RABGAP1: variants seen among roughly 807,000 people sequenced by gnomAD.
RABGAP1 encodes rab GTPase-activating protein 1.
Under a neutral mutation model 137.6 loss-of-function variants are expected in RABGAP1, and 23 were observed. The observed-to-expected ratio is 0.17, with a 90% confidence interval of 0.12 to 0.24. RABGAP1 has a LOEUF of 0.24. Ranked by LOEUF, RABGAP1 falls within the 10% of genes least tolerant of loss-of-function variation. The probability of loss-of-function intolerance (pLI) is 1.00; values close to 1 mark genes in which losing one functional copy is unlikely to be tolerated. For synonymous variants in RABGAP1, 451 were observed against 450.7 expected, an observed-to-expected ratio of 1.00 and a Z score of -0.01; for missense variants, 906 against 1,275.8, an observed-to-expected ratio of 0.71 and a Z score of 4.42.
At chr9:122,970,427 A>G (rs1005377000) in intron 2 of RABGAP1, among the ~76,000 whole-genome samples, 12 of 152,212 alleles carry the variant, frequency 7.9e-5, no homozygotes, top group Non-Finnish European at 1.6e-4. Context: ...CCTGGGCAAC[A>G]TAGTGATACC....
chr9:122,966,250 T>A (rs1449891724), intron 2 of RABGAP1, among the ~76,000 whole-genome samples: 1 of 152,060 alleles, frequency 6.6e-6, no homozygotes. Flanking sequence ...TATGGCTGGG[T>A]GCAGTGGCTC....
intron 2 of RABGAP1, among the ~76,000 whole-genome samples, chr9:122,957,884 C>CTT: frequency 7.5e-6 from 1 of 133,186 alleles, no homozygotes; most frequent in South Asian, 2.5e-4. Context: ...AGCTTTAATT[C>CTT]TTTTTTTTTT....
intron 11 of RABGAP1, among the ~76,000 whole-genome samples, chr9:123,011,102 A>C (rs986522320): frequency 6.6e-6 from 1 of 152,134 alleles, no homozygotes; most frequent in Non-Finnish European, 1.5e-5. Context: ...GAAGGGAGCC[A>C]CAGGAAACAT....
In RABGAP1 at chr9:122,997,152, A is replaced by G. The variant is rs542116213; in HGVS notation, c.1102-107A>G. The G allele has an allele frequency of 2.3e-5, 17 of 744,558 alleles. No homozygotes were observed. The East Asian group carries it at 4.2e-4, about 19-fold the overall frequency. 46.1% of individuals were successfully genotyped at this position (744,558 alleles called of 1,614,324 possible). ...CATTCACATACACTTATCCTCTTCC[A>G]TATTCTTATATTTTTGCAGCTTCTG... On this transcript the variant is annotated intron_variant, in intron 8 of 25. Transcript: ENST00000373647.
At chr9:123,089,716 C>A in intron 19 of RABGAP1, 42 bp from the exon 20 acceptor site, 2 of 1,544,134 alleles carry the variant, frequency 1.3e-6, no homozygotes, top group Non-Finnish European at 1.8e-6. Flanking sequence ...GCACCCACTA[C>A]TTTCTAATAC....
At chr9:122,976,616 A>G (rs190634920) in intron 2 of RABGAP1, among the ~76,000 whole-genome samples, 3 of 152,346 alleles carry the variant, frequency 2.0e-5, no homozygotes, top group Non-Finnish European at 1.5e-5. Flanking sequence ...TTTGGCTTCC[A>G]TTCTTTGCAT....
At chr9:123,055,915 G>A (rs183417887) in intron 13 of RABGAP1, among the ~76,000 whole-genome samples, 57 of 152,116 alleles carry the variant, frequency 3.7e-4, no homozygotes, top group East Asian at 2.1e-3. Context: ...TTTGACCATC[G>A]GGAACTCTTT....
At chr9:123,081,273 G>A (rs2034698216) in intron 19 of RABGAP1, among the ~76,000 whole-genome samples, 1 of 152,160 alleles carries the variant, frequency 6.6e-6, no homozygotes, top group South Asian at 2.1e-4. Flanking sequence ...AAATTCTGGG[G>A]GAGTCAGAAG....
intron 1 of RABGAP1, among the ~76,000 whole-genome samples, chr9:122,942,752 A>G (rs1449961): frequency 6.9e-4 from 104 of 151,476 alleles, no homozygotes; most frequent in South Asian, 6.4e-3. Context: ...TTCACTTTGT[A>G]TTAATAAAAT....
chr9:123,023,843 C>T (rs1053405485), intron 13 of RABGAP1, among the ~76,000 whole-genome samples: 7 of 151,710 alleles, frequency 4.6e-5, no homozygotes, highest in South Asian at 2.1e-4. Flanking sequence ...CAGATATATG[C>T]GTTGTGTTCT....
chr9:123,082,969 C>T (rs143163852), intron 19 of RABGAP1, among the ~76,000 whole-genome samples: 218 of 152,280 alleles, frequency 1.4e-3, no homozygotes, highest in African/African-American at 4.6e-3. Flanking sequence ...CTGAGGGCAG[C>T]GACTTCATCC....
At chr9:122,990,406 AAAT>A (rs1300176235) in intron 6 of RABGAP1, 193 bp downstream of exon 6, 2 of 415,192 alleles carry the variant, frequency 4.8e-6, no homozygotes, top group Admixed American at 4.5e-5. Flanking sequence ...GCAATTAAAA[AAAT>A]TGTCATATTG....
At chr9:123,049,575 C>T (rs1373900636) in intron 13 of RABGAP1, among the ~76,000 whole-genome samples, 2 of 152,142 alleles carry the variant, frequency 1.3e-5, no homozygotes, top group Admixed American at 1.3e-4. Context: ...CTTATTGTAT[C>T]ACTTATGTTT....
chr9:123,024,814 C>T (rs1167264497), intron 13 of RABGAP1, among the ~76,000 whole-genome samples: 2 of 152,154 alleles, frequency 1.3e-5, no homozygotes, highest in Admixed American at 6.5e-5. Context: ...GTTCTTTGTA[C>T]ATTTATCTAT....
At chr9:123,032,194 T>C (rs544565218) in intron 13 of RABGAP1, among the ~76,000 whole-genome samples, 24 of 152,324 alleles carry the variant, frequency 1.6e-4, no homozygotes, top group African/African-American at 5.5e-4. Flanking sequence ...AGTAAAGTTA[T>C]ATACCCCCTC....
At chr9:123,071,077 A>G (rs1320810921) in intron 15 of RABGAP1, among the ~76,000 whole-genome samples, 1 of 152,178 alleles carries the variant, frequency 6.6e-6, no homozygotes, top group African/African-American at 2.4e-5. Flanking sequence ...TAAATACTTG[A>G]TCATATATAT....
chr9:123,011,096 G>A (rs2030766128), intron 11 of RABGAP1, among the ~76,000 whole-genome samples: 1 of 151,902 alleles, frequency 6.6e-6, no homozygotes, highest in Non-Finnish European at 1.5e-5. Flanking sequence ...ATGAAGGAAG[G>A]GAGCCACAGG....
intron 13 of RABGAP1, among the ~76,000 whole-genome samples, chr9:123,030,615 A>G (rs1197696234): frequency 2.0e-5 from 3 of 152,214 alleles, no homozygotes; most frequent in Admixed American, 2.0e-4. Flanking sequence ...CATATAGTAT[A>G]TACTGATCAG....
chr9:123,040,936 G>A (rs771947715), intron 13 of RABGAP1, among the ~76,000 whole-genome samples: 1 of 152,034 alleles, frequency 6.6e-6, no homozygotes, highest in African/African-American at 2.4e-5. Context: ...AGTGGCCACT[G>A]GGTTATCTAT....
Sources: gnomAD v4.1 joint callset for allele counts (sites outside exome capture counted in the v4.1 genomes callset) on GRCh38, gnomAD v4.1.1 for gene constraint, MANE v1.5 for transcripts, NCBI Gene and HGNC (gene_info 2026-07-23, HGNC 2026-07-21) for gene names.